ADGRA2: variants seen among roughly 807,000 people sequenced by gnomAD.
The protein encoded by ADGRA2 is G-protein coupled receptor 124.
ADGRA2 carries 61 observed loss-of-function variants against 98.7 expected under a neutral mutation model. That is an observed-to-expected ratio of 0.62 (90% CI 0.50 to 0.76). The LOEUF is 0.76. Among genes scored for constraint, ADGRA2 ranks in the 30% least tolerant of loss-of-function variants. The pLI is 0.00. For missense variants in ADGRA2, 1,712 were observed against 1,860.0 expected (o/e 0.92, Z 1.46); for synonymous variants, 858 against 831.5 (o/e 1.03, Z -0.55).
chr8:37,842,148 C>T lies in ADGRA2; in HGVS notation c.3810C>T (p.Gly1270=). 9 of 1,515,724 alleles carry T rather than the reference C, an allele frequency of 5.9e-6. No individual in the cohort carries two copies. The highest frequency in any genetic ancestry group is 7.9e-6 in the Non-Finnish European group (9 of 1,136,898). The allele number at this position is 1,515,724 out of a possible 1,614,324, so 93.9% of individuals were successfully genotyped here. ...AAPLSEAGRA[G]QRRSASRDSL... ...CGCTTTCTGAGGCGGGCCGGGCAGG[C>T]CAGCGCCGCAGCGCCAGCCGCGACA... Residue 1270 remains glycine (G), a synonymous_variant, in exon 19 of 19, where the codon GGC becomes GGT. Transcript: ENST00000412232.
At position 37,828,126 on chromosome 8, in the gene ADGRA2, A is replaced by G. The variant is rs909848368; in HGVS notation, c.339-762A>G. Among the ~76,000 whole-genome samples, 30 of 151,698 alleles carry G rather than the reference A, an allele frequency of 2.0e-4. 1 individual carries two copies. Among genetic ancestry groups the G allele is most frequent in the Middle Eastern group, 3.4e-3 (1 of 294 alleles). On this transcript the variant is annotated intron_variant, in intron 2 of 18. Transcript: ENST00000412232. ...CACTGCACTCCAGCCTGGATGACAG[A>G]GAGACCCAGCCTCAAAAACAAAACA... is the stretch of plus-strand genomic sequence containing the variant.
Position 37,835,556 on chromosome 8 carries a change from C to G in ADGRA2, c.1836C>G (p.Asn612Lys), listed in dbSNP as rs776858254. Residue 612 changes from asparagine (N) to lysine (K), a missense_variant and splice_region_variant, in exon 13 of 19, where the codon AAC becomes AAG. Transcript: ENST00000412232. ...GAGGAGCTCCTATGTCCCCCCAGAA[C>G]AGCGTGGCCCTGGCCTCCATCCAGC... ...NVSLSSFHIK[N>K]SVALASIQLP... 1.2e-6 allele frequency: 2 copies of G among 1,608,056 alleles called. No individual in the cohort carries two copies. Among genetic ancestry groups the G allele is most frequent in the Admixed American group, 1.7e-5 (1 of 60,008 alleles).
chr8:37,836,076 C>T (rs1190904124), intron 13 of ADGRA2, among the ~76,000 whole-genome samples: 1 of 150,942 alleles, frequency 6.6e-6, no homozygotes, highest in Non-Finnish European at 1.5e-5. Flanking sequence ...CACACACACA[C>T]ACACACACAC....
In ADGRA2 at chr8:37,797,101, C is replaced by T. The variant is rs1055475258; in HGVS notation, c.-168C>T. Reference sequence around the variant, plus strand: ...CGCCGGGGCGCTCGCAGGACATGCCCCCGGGGCGCGGCGGCGGGGACCCCG... The same window carrying T: ...CGCCGGGGCGCTCGCAGGACATGCCTCCGGGGCGCGGCGGCGGGGACCCCG... On this transcript the variant is annotated 5_prime_UTR_variant, in exon 1 of 19. Coordinates refer to ENST00000412232, the MANE Select transcript of ADGRA2 (RefSeq NM_032777.10). The surrounding 1 kb of genome is among the most constrained non-coding windows in gnomAD (Gnocchi z 5.3). The T allele has an allele frequency of 3.2e-4, 102 of 323,664 alleles. No homozygotes were observed. Among genetic ancestry groups the T allele is most frequent in the Middle Eastern group, 3.0e-3 (3 of 996 alleles). The allele number at this position is 323,664 out of a possible 1,614,324, so 20.0% of individuals were successfully genotyped here.
chr8:37,836,038 A>AACACACACACACACAC (rs58082798), intron 13 of ADGRA2, among the ~76,000 whole-genome samples: 5 of 124,574 alleles, frequency 4.0e-5, no homozygotes, highest in East Asian at 2.4e-4. Context: ...AGCCCCCTCC[A>AACACACACACACACAC]ACACACACAC....
chr8:37,829,382 T>C (rs1191424327), intron 4 of ADGRA2, 50 bp downstream of exon 4: 1 of 1,570,068 alleles, frequency 6.4e-7, no homozygotes, highest in African/African-American at 1.4e-5. Flanking sequence ...AAGAAGTGCA[T>C]AGGAAGCAAA....
At chr8:37,812,670 A>T (rs1422811406) in intron 1 of ADGRA2, among the ~76,000 whole-genome samples, 1 of 146,148 alleles carries the variant, frequency 6.8e-6, no homozygotes, top group Non-Finnish European at 1.5e-5. Flanking sequence ...GAGTTGCAGA[A>T]TTTTTTTTTT....
intron 1 of ADGRA2, among the ~76,000 whole-genome samples, chr8:37,811,442 G>T (rs774306475): frequency 4.1e-5 from 6 of 147,732 alleles, no homozygotes; most frequent in Non-Finnish European, 8.9e-5. Flanking sequence ...AAAGTGCTGG[G>T]ATTACAGATG....
chr8:37,844,749 C>T lies in ADGRA2; in HGVS notation c.*2394C>T, dbSNP rs1167506132. The T allele has an allele frequency of 3.7e-6, 6 of 1,613,992 alleles. No individual in the cohort carries two copies. Among genetic ancestry groups the T allele is most frequent in the Non-Finnish European group, 5.1e-6 (6 of 1,180,026 alleles). On this transcript the variant is annotated 3_prime_UTR_variant, in exon 19 of 19. Coordinates refer to ENST00000412232, the MANE Select transcript of ADGRA2 (RefSeq NM_032777.10). ...GGAATTATTTCCCACCTCCCCTTCT[C>T]CTTGCCCCTGTCCCCACCCCGGTGG...
intron 2 of ADGRA2, among the ~76,000 whole-genome samples, 176 bp from the exon 3 acceptor site, chr8:37,828,712 G>A (rs1805360862): frequency 6.6e-6 from 1 of 151,046 alleles, no homozygotes; most frequent in Non-Finnish European, 1.5e-5. Flanking sequence ...GCCTTGATCA[G>A]GGGTGGTTCT....
intron 13 of ADGRA2, 54 bp from the exon 14 acceptor site, chr8:37,837,677 C>T: frequency 6.9e-7 from 1 of 1,451,188 alleles, no homozygotes; most frequent in Non-Finnish European, 9.4e-7. Flanking sequence ...CCGGCTGAGC[C>T]CACCTCCCTG....
intron 1 of ADGRA2, among the ~76,000 whole-genome samples, chr8:37,812,515 T>C (rs1426748217): frequency 6.6e-6 from 1 of 152,020 alleles, no homozygotes; most frequent in African/African-American, 2.4e-5. Flanking sequence ...TAGTCCCAGC[T>C]ACTCTGGAGG....
intron 2 of ADGRA2, among the ~76,000 whole-genome samples, chr8:37,822,418 C>CACACAG (rs1330099159): frequency 0.038 from 5,578 of 146,448 alleles, 329 homozygotes; most frequent in African/African-American, 0.14. Context: ...CAGTCACATG[C>CACACAG]TCTTTAACTC....
At position 37,841,677 on chromosome 8, in the gene ADGRA2, C is replaced by CCCCCCTCCCAGGGG. The variant is rs746838506; in HGVS notation, c.3344_3345insTCCCAGGGGCCCCC (p.Ser1116ProfsTer192). The CCCCCCTCCCAGGGG allele has an allele frequency of 4.1e-4, 632 of 1,527,916 alleles. 1 individual carries two copies. The highest frequency in any genetic ancestry group is 1.9e-3 in the East Asian group (79 of 40,588). 94.6% of individuals were successfully genotyped at this position (1,527,916 alleles called of 1,614,324 possible). A position where few individuals can be genotyped will look rare whatever the true frequency, so the allele number is the denominator to read the frequency against. ...ACGGTTCCCCGGTGTTCGGGGAGGG[C>CCCCCCTCCCAGGGG]CCCCCCTCCCTCAAGTCCTCCCCAA... On this transcript the variant is annotated frameshift_variant, in exon 19 of 19. Transcript: ENST00000412232. LOFTEE classifies it low-confidence loss of function (END_TRUNC). This position sits in a 1 kb window ranked among gnomAD's most constrained non-coding sequence, Gnocchi z 5.0.
At position 37,830,629 on chromosome 8, in the gene ADGRA2, C is replaced by CCA. The variant is rs1805424838; in HGVS notation, c.719-81_719-80insCA. ...CCGAGGGCCCCGCCCCGCCCCACCC[C>CCA]ATCCTGCTGGACTCTCGCTCACACG... On this transcript the variant is annotated intron_variant, in intron 6 of 18. Transcript: ENST00000412232. The surrounding 1 kb of genome is among the most constrained non-coding windows in gnomAD (Gnocchi z 4.8). 9.5e-5 allele frequency: 68 copies of CCA among 714,496 alleles called. No individual in the cohort carries two copies. The highest frequency in any genetic ancestry group is 1.3e-4 in the Non-Finnish European group (55 of 414,294). The allele number at this position is 714,496 out of a possible 1,614,324, so 44.3% of individuals were successfully genotyped here.
intron 1 of ADGRA2, among the ~76,000 whole-genome samples, chr8:37,809,043 G>A (rs1793417316): frequency 6.6e-6 from 1 of 152,092 alleles, no homozygotes; most frequent in African/African-American, 2.4e-5. Flanking sequence ...GGCTGGTCTT[G>A]AACTCCTGGC....
Position 37,834,050 on chromosome 8 carries a change from G to A in ADGRA2, c.1530G>A (p.Lys510=). ...TGTGGCTGGCCCAGCGCGAGGACAA[G>A]GCCTGCAGCCGCATCGTGGGTGCCC... ...HLLWLAQRED[K]ACSRIVGALE... is the part of the protein sequence containing the mutation. Residue 510 remains lysine, a synonymous_variant, in exon 11 of 19, where the codon AAG becomes AAA. Transcript: ENST00000412232. The surrounding 1 kb of genome is among the most constrained non-coding windows in gnomAD (Gnocchi z 4.2). The A allele has an allele frequency of 6.2e-7, 1 of 1,613,038 alleles. No individual in the cohort carries two copies. The highest frequency in any genetic ancestry group is 8.5e-7 in the Non-Finnish European group (1 of 1,179,992).
At chr8:37,818,662 C>G (rs1805045267) in intron 2 of ADGRA2, among the ~76,000 whole-genome samples, 1 of 152,224 alleles carries the variant, frequency 6.6e-6, no homozygotes, top group Non-Finnish European at 1.5e-5. Context: ...AGGCTCTGTT[C>G]TAGGCTTTGG....
rs2129869953 is a variant in ADGRA2 at position 37,797,203 on chromosome 8, C to T, written c.-66C>T. 1.7e-6 allele frequency: 2 copies of T among 1,171,606 alleles called. No homozygotes were observed. Among genetic ancestry groups the T allele is most frequent in the African/African-American group, 1.6e-5 (1 of 62,286 alleles). The allele number at this position is 1,171,606 out of a possible 1,614,324, so 72.6% of individuals were successfully genotyped here. On this transcript the variant is annotated 5_prime_UTR_variant, in exon 1 of 19. Transcript: ENST00000412232. The surrounding 1 kb of genome is among the most constrained non-coding windows in gnomAD (Gnocchi z 5.3). The stretch of plus-strand genomic sequence containing the variant: ...CCCGCTGAGCACTCCTCCCGCACGC[C>T]TGGGTCCCTCCGGCCGGCGCGCAGC...
Sources: allele counts gnomAD v4.1 joint callset (sites outside exome capture counted in the v4.1 genomes callset), GRCh38; gene constraint gnomAD v4.1.1; non-coding constraint Gnocchi (gnomAD v3.1); transcripts MANE v1.5; gene names NCBI Gene and HGNC (gene_info 2026-07-23, HGNC 2026-07-21).